Variants in MARCHF1 observed in about 807,000 individuals in gnomAD.
The protein encoded by MARCHF1 is E3 ubiquitin-protein ligase MARCHF1.
A neutral mutation model predicts 54.2 loss-of-function variants in MARCHF1; 40 were observed. The ratio of observed to expected loss-of-function variants is 0.74; its 90% CI spans 0.57 to 0.96. The LOEUF is 0.96. Among genes scored for constraint, MARCHF1 ranks in the 40% least tolerant of loss-of-function variants. The pLI is 0.00. For synonymous variants in MARCHF1, 236 were observed against 236.3 expected (o/e 1.00, Z 0.01); for missense variants, 586 against 656.5 (o/e 0.89, Z 1.17).
intron 3 of MARCHF1, among the ~76,000 whole-genome samples, chr4:163,879,504 A>G (rs1462210095): frequency 6.6e-6 from 1 of 152,232 alleles, no homozygotes; most frequent in African/African-American, 2.4e-5. Context: ...TGCTCATGAT[A>G]TATTCTTTAA....
intron 2 of MARCHF1, among the ~76,000 whole-genome samples, chr4:164,027,496 G>A (rs893058330): frequency 6.6e-6 from 1 of 150,688 alleles, no homozygotes; most frequent in Non-Finnish European, 1.5e-5. Context: ...AACAAGCAAT[G>A]GGAAATGATT....
chr4:164,124,100 T>C (rs896131676), intron 1 of MARCHF1, among the ~76,000 whole-genome samples: 2 of 147,174 alleles, frequency 1.4e-5, no homozygotes, highest in African/African-American at 5.4e-5. Context: ...AAGATTTGAA[T>C]AGATATTTCT....
intron 9 of MARCHF1, among the ~76,000 whole-genome samples, chr4:163,540,359 T>A (rs1378841156): frequency 1.3e-5 from 2 of 152,064 alleles, no homozygotes; most frequent in Admixed American, 1.3e-4. Context: ...AACTACGAAG[T>A]GTGTGTATAA....
chr4:163,876,525 G>A (rs1750293197), intron 3 of MARCHF1, among the ~76,000 whole-genome samples: 1 of 152,048 alleles, frequency 6.6e-6, no homozygotes, highest in African/African-American at 2.4e-5. Context: ...TCCCTATAAA[G>A]TATGTAGAAT....
At chr4:164,285,238 G>T (rs774619314) in intron 1 of MARCHF1, among the ~76,000 whole-genome samples, 4 of 151,818 alleles carry the variant, frequency 2.6e-5, no homozygotes, top group Non-Finnish European at 4.4e-5. Flanking sequence ...ATTTACTACT[G>T]AAGATATTTG....
intron 1 of MARCHF1, among the ~76,000 whole-genome samples, chr4:164,273,312 A>G (rs1290413418): frequency 2.0e-5 from 3 of 152,058 alleles, no homozygotes; most frequent in African/African-American, 7.2e-5. Context: ...AAACCATCAA[A>G]TCTTGTGAGA....
chr4:163,995,288 A>C (rs1466650707), intron 2 of MARCHF1, among the ~76,000 whole-genome samples: 1 of 152,140 alleles, frequency 6.6e-6, no homozygotes. Flanking sequence ...AGAGCAAAAC[A>C]TGTGAGAAAG....
intron 1 of MARCHF1, chr4:164,197,313 C>T: frequency 6.2e-7 from 1 of 1,612,144 alleles, no homozygotes; most frequent in Non-Finnish European, 8.5e-7. Context: ...GCAGGAGAAG[C>T]TTGAACACGT....
intron 2 of MARCHF1, among the ~76,000 whole-genome samples, chr4:164,076,019 C>T (rs1410645466): frequency 2.0e-5 from 3 of 152,078 alleles, no homozygotes; most frequent in Non-Finnish European, 4.4e-5. Context: ...AAAATGTTTC[C>T]TGTAACTAGT....
At chr4:164,160,845 T>C (rs974543751) in intron 1 of MARCHF1, among the ~76,000 whole-genome samples, 8 of 152,062 alleles carry the variant, frequency 5.3e-5, no homozygotes, top group African/African-American at 1.9e-4. Context: ...TGTAATAAGA[T>C]AACAGAAGAC....
intron 2 of MARCHF1, among the ~76,000 whole-genome samples, chr4:164,088,335 T>G (rs1028769110): frequency 3.3e-5 from 5 of 152,214 alleles, no homozygotes; most frequent in African/African-American, 1.2e-4. Context: ...TACATAAAAT[T>G]TATTTTATAA....
intron 1 of MARCHF1, among the ~76,000 whole-genome samples, chr4:164,286,732 T>A (rs1195291769): frequency 1.3e-5 from 2 of 149,286 alleles, no homozygotes; most frequent in East Asian, 3.9e-4. Flanking sequence ...TATTTTTATA[T>A]AATAAATCTA....
intron 4 of MARCHF1, among the ~76,000 whole-genome samples, chr4:163,847,549 C>CTTTTTTTTTTTT (rs747963284): frequency 9.4e-5 from 6 of 63,630 alleles, no homozygotes; most frequent in African/African-American, 3.5e-4. Context: ...TTACAGTTTG[C>CTTTTTTTTTTTT]TTTTTTTTTT....
intron 3 of MARCHF1, among the ~76,000 whole-genome samples, chr4:163,887,575 T>A (rs1750566676): frequency 6.6e-6 from 1 of 152,170 alleles, no homozygotes; most frequent in African/African-American, 2.4e-5. Context: ...GATGCCCAAG[T>A]GATGCACATG....
intron 8 of MARCHF1, among the ~76,000 whole-genome samples, chr4:163,551,818 T>G (rs985189778): frequency 6.6e-6 from 1 of 152,194 alleles, no homozygotes; most frequent in Admixed American, 6.5e-5. Context: ...TCTTGCCTGC[T>G]GCCGTGTAAG....
At chr4:164,060,264 A>C (rs1389900991) in intron 2 of MARCHF1, among the ~76,000 whole-genome samples, 1 of 152,126 alleles carries the variant, frequency 6.6e-6, no homozygotes, top group Non-Finnish European at 1.5e-5. Context: ...CTGGCATTTT[A>C]AACTGAGTAC....
At chr4:164,167,966 CA>C (rs1360208179) in intron 1 of MARCHF1, among the ~76,000 whole-genome samples, 1 of 151,774 alleles carries the variant, frequency 6.6e-6, no homozygotes, top group Non-Finnish European at 1.5e-5. Flanking sequence ...AGGAAATACT[CA>C]AAAAATGAAA....
rs1731836031 is a variant in MARCHF1, at chr4:164,213,382, T to C, written c.-322-101720A>G. The stretch of plus-strand genomic sequence containing the variant: ...CCAAGTAGCTGGGACTACAGGTGCC[T>C]GCCACCATGCCCGGCTAAATTTTTG... On this transcript the variant is annotated intron_variant, in intron 1 of 9. Transcript: ENST00000514618. 2.6e-5 allele frequency among the ~76,000 whole-genome samples: 4 copies of C among 151,778 alleles called. No homozygotes were observed. The South Asian group carries it at 8.3e-4, about 31-fold the overall frequency.
intron 2 of MARCHF1, among the ~76,000 whole-genome samples, chr4:164,035,447 C>A (rs1753971407): frequency 6.6e-6 from 1 of 150,908 alleles, no homozygotes; most frequent in South Asian, 2.1e-4. Flanking sequence ...AAAGCAAGTT[C>A]TTTTGACTAT....
Sources: gnomAD v4.1 joint callset for allele counts (sites outside exome capture counted in the v4.1 genomes callset) on GRCh38, gnomAD v4.1.1 for gene constraint, MANE v1.5 for transcripts, NCBI Gene and HGNC (gene_info 2026-07-23, HGNC 2026-07-21) for gene names.